IRAK2: variants seen among roughly 807,000 people sequenced by gnomAD.
IRAK2 encodes interleukin-1 receptor-associated kinase-like 2.
Under a neutral mutation model 72.0 loss-of-function variants are expected in IRAK2, and 57 were observed. The ratio of observed to expected loss-of-function variants is 0.79; its 90% CI spans 0.64 to 0.99. The LOEUF is 0.99. Among genes scored for constraint, IRAK2 ranks in the 50% least tolerant of loss-of-function variants. The pLI is 0.00. For synonymous variants in IRAK2, 293 were observed against 312.7 expected, an observed-to-expected ratio of 0.94 and a Z score of 0.67; for missense variants, 790 against 794.4, an observed-to-expected ratio of 0.99 and a Z score of 0.07.
chr3:10,222,846 C>T lies in IRAK2; in HGVS notation c.1209+15C>T, dbSNP rs374766949. On this transcript the variant is annotated intron_variant, in intron 9 of 12. Coordinates refer to ENST00000256458, the MANE Select transcript of IRAK2 (RefSeq NM_001570.4). ...GCTGTGGAATAGTAAGAGTGTCCTG[C>T]TCTGCGTAGAGTGGGGCCCACCTTG... is the stretch of plus-strand genomic sequence containing the variant. The T allele has an allele frequency of 1.1e-5, 17 of 1,611,156 alleles. No individual in the cohort carries two copies. Among genetic ancestry groups the T allele is most frequent in the Non-Finnish European group, 1.2e-5 (14 of 1,177,452 alleles).
In IRAK2 at chr3:10,220,386, C is replaced by T. The variant is rs146248730; in HGVS notation, c.1013+597C>T. Among the ~76,000 whole-genome samples, 295 of 152,296 alleles carry T rather than the reference C, an allele frequency of 1.9e-3. 1 individual carries two copies. The highest frequency in any genetic ancestry group is 5.9e-3 in the African/African-American group (244 of 41,560). The stretch of plus-strand genomic sequence containing the variant: ...CCAGAGACACAGAACTCGTATTTCC[C>T]CAAAGTTCTCTTTCCATTTGACTTG... On this transcript the variant is annotated intron_variant, in intron 8 of 12. Transcript: ENST00000256458.
At chr3:10,240,558 C>CCCCCCCCCCCCCCTT (rs1274154130) in intron 12 of IRAK2, among the ~76,000 whole-genome samples, 1 of 18,066 alleles carries the variant, frequency 5.5e-5, no homozygotes, top group Non-Finnish European at 8.2e-5. Context: ...CCCCCCCCGC[C>CCCCCCCCCCCCCCTT]TTTTTTTTTT....
chr3:10,221,496 A>G (rs1160912142), intron 8 of IRAK2, among the ~76,000 whole-genome samples: 2 of 150,738 alleles, frequency 1.3e-5, no homozygotes, highest in East Asian at 2.0e-4. Context: ...CTCGTGATCC[A>G]CCCACCTTGG....
intron 11 of IRAK2, among the ~76,000 whole-genome samples, chr3:10,237,546 G>A (rs1004964873): frequency 4.6e-5 from 7 of 152,176 alleles, no homozygotes; most frequent in Middle Eastern, 3.4e-3. Context: ...GGTGGCTCAC[G>A]CCTGTAATCT....
intron 12 of IRAK2, among the ~76,000 whole-genome samples, chr3:10,240,591 C>T (rs556211793): frequency 1.0e-5 from 1 of 99,892 alleles, no homozygotes; most frequent in Non-Finnish European, 1.8e-5. Context: ...CAGTGTTTCA[C>T]TCTTGTTGCC....
chr3:10,217,036 A>AC lies in IRAK2; in HGVS notation c.892dup (p.Leu298ProfsTer43). On this transcript the variant is annotated frameshift_variant, in exon 7 of 13. Transcript: ENST00000256458. LOFTEE classifies it high-confidence loss of function. ...TGGCAAATGGTTCCCTACAGGACAG[A>AC]CTGCAGGGTCAGGTAAGGGACTGGG... is the stretch of plus-strand genomic sequence containing the variant. The AC allele has an allele frequency of 5.6e-6, 9 of 1,609,392 alleles. No homozygotes were observed. Among genetic ancestry groups the AC allele is most frequent in the Non-Finnish European group, 7.7e-6 (9 of 1,175,736 alleles).
chr3:10,165,189 C>G, intron 1 of IRAK2, 141 bp downstream of exon 1: 1 of 678,080 alleles, frequency 1.5e-6, no homozygotes. Flanking sequence ...CCTCCTGGAC[C>G]GGGTCCGCCG....
intron 4 of IRAK2, among the ~76,000 whole-genome samples, chr3:10,211,995 G>A (rs1697528878): frequency 6.6e-6 from 1 of 151,304 alleles, no homozygotes; most frequent in Admixed American, 6.6e-5. Flanking sequence ...AAGGAGAATG[G>A]CGTGAACCTG....
chr3:10,195,443 A>G lies in IRAK2; in HGVS notation c.278-4926A>G, dbSNP rs78506753. On this transcript the variant is annotated intron_variant, in intron 2 of 12. Transcript: ENST00000256458. ...TGGTGTTGCCTGTAATCCCAGCGGCATGGGAGGCTAAGAGAGGAGGATAGC... is the reference window on the plus strand; with the variant it reads ...TGGTGTTGCCTGTAATCCCAGCGGCGTGGGAGGCTAAGAGAGGAGGATAGC... Among the ~76,000 whole-genome samples the G allele has an allele frequency of 4.6e-3, 695 of 152,002 alleles. 23 individuals are homozygous for G. The South Asian group carries it at 0.083, about 18-fold the overall frequency.
chr3:10,217,008 A>G lies in IRAK2; in HGVS notation c.863A>G (p.Tyr288Cys). The change falls in exon 7 of 13, where the codon TAC (tyrosine) becomes TGC (cysteine). Residue 288 changes from tyrosine (Y) to cysteine (C), a missense_variant. Tyr to Cys is a radical substitution (Grantham distance 194). Transcript: ENST00000256458. ...CAGTTTCACAGCTTCATCTACCCCT[A>G]CATGGCAAATGGTTCCCTACAGGAC... ...ARQFHSFIYP[Y>C]MANGSLQDRL... The G allele has an allele frequency of 1.9e-6, 3 of 1,614,038 alleles. No homozygotes were observed. The highest frequency in any genetic ancestry group is 2.5e-6 in the Non-Finnish European group (3 of 1,179,932).
Position 10,171,851 on chromosome 3 carries a change from G to A in IRAK2, c.95-5987G>A, listed in dbSNP as rs560794612. Among the ~76,000 whole-genome samples the A allele has an allele frequency of 1.2e-3, 176 of 149,418 alleles. 1 individual carries two copies. Among genetic ancestry groups the A allele is most frequent in the African/African-American group, 4.1e-3 (165 of 40,728 alleles). On this transcript the variant is annotated intron_variant, in intron 1 of 12. Transcript: ENST00000256458. ...TGCAATCTCAGCTCACTGCAACCTC[G>A]GCCTCCTGGGTTCAAGTGATTCTCC... is the stretch of plus-strand genomic sequence containing the variant.
chr3:10,216,295 T>G (rs927500747), intron 6 of IRAK2, among the ~76,000 whole-genome samples: 3 of 152,136 alleles, frequency 2.0e-5, no homozygotes, highest in Non-Finnish European at 4.4e-5. Flanking sequence ...TTGGGACTTG[T>G]TGAGGCTAGG....
chr3:10,171,701 G>A (rs1218191443), intron 1 of IRAK2, among the ~76,000 whole-genome samples: 2 of 149,026 alleles, frequency 1.3e-5, no homozygotes, highest in African/African-American at 4.9e-5. Flanking sequence ...TTTGAGACCA[G>A]CCTCGTGATC....
At position 10,242,118 on chromosome 3, in the gene IRAK2, A is replaced by G. The variant is rs891183987; in HGVS notation, c.1768A>G (p.Thr590Ala). The change falls in exon 13 of 13, where the codon ACA (threonine) becomes GCA (alanine). Residue 590 changes from threonine to alanine, a missense_variant and splice_region_variant. Physicochemically the swap from Thr to Ala is moderately conservative, Grantham distance 58. Coordinates refer to ENST00000256458, the MANE Select transcript of IRAK2 (RefSeq NM_001570.4). The stretch of plus-strand genomic sequence containing the variant: ...GTTTGCTTTCTGTTGAACATCAGTT[A>G]CAGAAACTTCGTGGCAAATTGAGAT... ...CVGLEPPQDVTETSWQIEINE... is the reference protein window; with the variant it reads ...CVGLEPPQDVAETSWQIEINE... The G allele has an allele frequency of 2.5e-6, 4 of 1,593,218 alleles. No homozygotes were observed. Among genetic ancestry groups the G allele is most frequent in the Admixed American group, 3.4e-5 (2 of 59,658 alleles).
intron 7 of IRAK2, 50 bp downstream of exon 7, chr3:10,217,098 A>G: frequency 1.5e-6 from 2 of 1,351,930 alleles, no homozygotes; most frequent in Non-Finnish European, 2.1e-6. Context: ...GCACCCAGCC[A>G]TGGGGTCAAG....
Position 10,242,375 on chromosome 3 carries a change from C to T in IRAK2, c.*147C>T. On this transcript the variant is annotated 3_prime_UTR_variant, in exon 13 of 13. Coordinates refer to ENST00000256458, the MANE Select transcript of IRAK2 (RefSeq NM_001570.4). ...TGGGTGGGAGGGAAACTTCATTTCA[C>T]TGGAATGAGTTGGGAGAGAAAGGCC... 2 of 499,606 alleles carry T rather than the reference C, an allele frequency of 4.0e-6. No individual in the cohort carries two copies. The highest frequency in any genetic ancestry group is 7.1e-6 in the Non-Finnish European group (2 of 280,296). The allele number at this position is 499,606 out of a possible 1,614,324, so 30.9% of individuals were successfully genotyped here.
chr3:10,200,293 G>T, intron 2 of IRAK2, 76 bp from the exon 3 acceptor site: 1 of 1,316,544 alleles, frequency 7.6e-7, no homozygotes, highest in South Asian at 1.5e-5. Context: ...CCAGGTCTCT[G>T]ACTTCCAGAA....
In IRAK2 at chr3:10,240,537, GCCCCCCCC is replaced by G. The variant is rs781428702; in HGVS notation, c.1765+1509_1765+1516del. Among the ~76,000 whole-genome samples, 7 of 9,138 alleles carry G rather than the reference GCCCCCCCC, an allele frequency of 7.7e-4. 1 individual carries two copies. Among genetic ancestry groups the G allele is most frequent in the African/African-American group, 3.2e-3 (6 of 1,886 alleles). The allele number at this position is 9,138 out of a possible 152,430, so 6.0% of individuals were successfully genotyped here. ...TCTTTCTGAAATAAAAAATTAGGAAGCCCCCCCCCCCCCCCCCCGCCTTTTTTTTTTTT... is the reference window on the plus strand; with the variant it reads ...TCTTTCTGAAATAAAAAATTAGGAAGCCCCCCCCCCGCCTTTTTTTTTTTT... On this transcript the variant is annotated intron_variant, in intron 12 of 12. Transcript: ENST00000256458.
At chr3:10,170,977 T>C (rs1019530526) in intron 1 of IRAK2, among the ~76,000 whole-genome samples, 2 of 152,206 alleles carry the variant, frequency 1.3e-5, no homozygotes, top group African/African-American at 4.8e-5. Context: ...TCAGAGCTGA[T>C]GGTGATACTG....
Sources: gnomAD v4.1 joint callset for allele counts (sites outside exome capture counted in the v4.1 genomes callset) on GRCh38, gnomAD v4.1.1 for gene constraint, MANE v1.5 for transcripts, NCBI Gene and HGNC (gene_info 2026-07-23, HGNC 2026-07-21) for gene names.